GRB14: variants seen among roughly 807,000 people sequenced by gnomAD.
GRB14 encodes the protein growth factor receptor-bound protein 14.
Under a neutral mutation model 69.1 loss-of-function variants are expected in GRB14, and 38 were observed. The ratio of observed to expected loss-of-function variants is 0.55; its 90% CI spans 0.42 to 0.72. GRB14 has a LOEUF of 0.72. Ranked by LOEUF, GRB14 falls within the 30% of genes least tolerant of loss-of-function variation. The pLI, the probability that GRB14 is intolerant of heterozygous loss-of-function variation, is 0.00. For missense variants in GRB14, 666 were observed against 666.1 expected (o/e 1.00, Z 0.00); for synonymous variants, 247 against 241.3 (o/e 1.02, Z -0.22).
Position 164,550,046 on chromosome 2 carries a change from G to A in GRB14, c.325-2230C>T, listed in dbSNP as rs552248040. Among the ~76,000 whole-genome samples the A allele has an allele frequency of 7.2e-5, 11 of 152,166 alleles. No homozygotes were observed. In the East Asian group the frequency reaches 1.7e-3, roughly 24 times the overall value. ...GGAATAGAATCAGACTTTATGAAAAGATTTCTCCATCTCAGGTATGAATAT... is the reference window on the plus strand; with the variant it reads ...GGAATAGAATCAGACTTTATGAAAAAATTTCTCCATCTCAGGTATGAATAT... On this transcript the variant is annotated intron_variant, in intron 2 of 13. Coordinates refer to ENST00000263915, the MANE Select transcript of GRB14 (RefSeq NM_004490.3).
In GRB14 at chr2:164,621,404, C is replaced by G. The variant is rs1398059343; in HGVS notation, c.-95G>C. 2 of 1,063,910 alleles carry G rather than the reference C, an allele frequency of 1.9e-6. No homozygotes were observed. Among genetic ancestry groups the G allele is most frequent in the Non-Finnish European group, 2.4e-6 (2 of 836,620 alleles). 65.9% of individuals were successfully genotyped at this position (1,063,910 alleles called of 1,614,324 possible). A position where few individuals can be genotyped will look rare whatever the true frequency, so the allele number is the denominator to read the frequency against. ...GAGGCGAGGTGCCGGCTAGGCAGCC[C>G]GAGCGCTCTGCAGGTGTGGTGGCCT... On this transcript the variant is annotated 5_prime_UTR_variant, in exon 1 of 14. Transcript: ENST00000263915. The surrounding 1 kb of genome is among the most constrained non-coding windows in gnomAD (Gnocchi z 6.0).
intron 2 of GRB14, among the ~76,000 whole-genome samples, chr2:164,578,146 T>C (rs1689296892): frequency 6.6e-6 from 1 of 152,014 alleles, no homozygotes; most frequent in African/African-American, 2.4e-5. Flanking sequence ...GGCAGGGGAA[T>C]TGCTTGAACC....
At chr2:164,536,708 A>G (rs1688088054) in intron 3 of GRB14, among the ~76,000 whole-genome samples, 1 of 152,220 alleles carries the variant, frequency 6.6e-6, no homozygotes, top group Non-Finnish European at 1.5e-5. Flanking sequence ...AGCATGATCA[A>G]AAGCTGCATA....
intron 6 of GRB14, among the ~76,000 whole-genome samples, chr2:164,513,650 TTG>T (rs1393515937): frequency 6.6e-6 from 1 of 152,162 alleles, no homozygotes; most frequent in African/African-American, 2.4e-5. Context: ...AGTTTGCAGA[TTG>T]AATGTGTGTG....
chr2:164,556,032 T>C (rs956468652), intron 2 of GRB14, among the ~76,000 whole-genome samples: 2 of 152,162 alleles, frequency 1.3e-5, no homozygotes, highest in African/African-American at 4.8e-5. Flanking sequence ...TACATTCTTA[T>C]AAATAAGAAA....
intron 6 of GRB14, 76 bp from the exon 7 acceptor site, chr2:164,508,928 AC>A: frequency 2.2e-6 from 2 of 919,980 alleles, no homozygotes; most frequent in Non-Finnish European, 3.0e-6. Flanking sequence ...TATAATTTAT[AC>A]CTTGGGCAAA....
chr2:164,561,155 T>C (rs1688818029), intron 2 of GRB14, among the ~76,000 whole-genome samples: 1 of 152,080 alleles, frequency 6.6e-6, no homozygotes, highest in South Asian at 2.1e-4. Flanking sequence ...TGCAAAATCA[T>C]GATGCCCAGC....
intron 3 of GRB14, among the ~76,000 whole-genome samples, chr2:164,530,634 GA>G (rs1000751988): frequency 4.0e-5 from 6 of 150,204 alleles, no homozygotes; most frequent in Admixed American, 1.3e-4. Context: ...GGAGAAGCAA[GA>G]AAAAAAAACC....
At chr2:164,558,961 T>C (rs1369942328) in intron 2 of GRB14, among the ~76,000 whole-genome samples, 1 of 152,180 alleles carries the variant, frequency 6.6e-6, no homozygotes, top group Non-Finnish European at 1.5e-5. Flanking sequence ...ATTTCCTTGA[T>C]TTTTTAAAAG....
chr2:164,546,873 G>A (rs1047336895), intron 3 of GRB14, among the ~76,000 whole-genome samples: 1 of 152,136 alleles, frequency 6.6e-6, no homozygotes, highest in Non-Finnish European at 1.5e-5. Context: ...AGCACCACAC[G>A]ATAGGAGGTT....
intron 2 of GRB14, among the ~76,000 whole-genome samples, chr2:164,567,912 A>G (rs915604176): frequency 6.6e-5 from 10 of 152,204 alleles, no homozygotes; most frequent in African/African-American, 2.2e-4. Flanking sequence ...AGAGATTGAT[A>G]TATTATGAAT....
chr2:164,510,669 A>C (rs186794353), intron 6 of GRB14, among the ~76,000 whole-genome samples: 1 of 152,296 alleles, frequency 6.6e-6, no homozygotes, highest in African/African-American at 2.4e-5. Flanking sequence ...ACCAAAAAAA[A>C]GCACCTTTCT....
rs1356673272 is a variant in GRB14 at position 164,610,607 on chromosome 2, T to C, written c.324+9080A>G. ...AGAGTCTGTTAATCAAATTTAATTT[T>C]ATTCTAATTTAATGAAGATGACTGA... is the stretch of plus-strand genomic sequence containing the variant. On this transcript the variant is annotated intron_variant, in intron 2 of 13. Transcript: ENST00000263915. Among the ~76,000 whole-genome samples, 4 of 152,150 alleles carry C rather than the reference T, an allele frequency of 2.6e-5. No homozygotes were observed. The East Asian group carries it at 7.7e-4, about 29-fold the overall frequency.
chr2:164,591,368 A>G lies in GRB14; in HGVS notation c.324+28319T>C, dbSNP rs529009294. On this transcript the variant is annotated intron_variant, in intron 2 of 13. Coordinates refer to ENST00000263915, the MANE Select transcript of GRB14 (RefSeq NM_004490.3). ...TTGAAGGTCAAAAAGAAAAATTGCT[A>G]TTCTCTTTCTATCCCCCAACCAATA... 1.5e-4 allele frequency among the ~76,000 whole-genome samples: 23 copies of G among 152,276 alleles called. No individual in the cohort carries two copies. In the South Asian group the frequency reaches 4.3e-3, roughly 29 times the overall value.
Position 164,527,036 on chromosome 2 carries a change from TA to T in GRB14, c.580del (p.Tyr194MetfsTer36). On this transcript the variant is annotated frameshift_variant, in exon 4 of 14. Coordinates refer to ENST00000263915, the MANE Select transcript of GRB14 (RefSeq NM_004490.3). LOFTEE classifies it high-confidence loss of function. The part of the protein sequence containing the change: ...KLYFRKNYAK[Y>X]EFFKNPMYFF... Reference sequence around the variant, plus strand: ...TACCATTGGGTTTTTAAAGAACTCATATTTGGCATAATTTTTTCTAAAGTAT... The same window carrying T: ...TACCATTGGGTTTTTAAAGAACTCATTTTGGCATAATTTTTTCTAAAGTAT... 2.5e-6 allele frequency: 4 copies of T among 1,600,142 alleles called. No individual in the cohort carries two copies. The highest frequency in any genetic ancestry group is 3.4e-6 in the Non-Finnish European group (4 of 1,170,054).
At position 164,522,058 on chromosome 2, in the gene GRB14, C is replaced by G; in HGVS notation, c.738G>C (p.Gln246His). ...AAATTTTTTTCCAAGACTTCTTTCC[C>G]TGTTCTTTCGCATGTAAGAAACCAT... is the stretch of plus-strand genomic sequence containing the variant. ...EIHGFLHAKE[Q>H]GKKSWKKIYF... The change falls in exon 6 of 14, where the codon CAG becomes CAC. Residue 246 changes from glutamine (Q) to histidine (H), a missense_variant. By Grantham distance (24) the Gln-to-His change is conservative. Transcript: ENST00000263915. The G allele has an allele frequency of 6.2e-7, 1 of 1,603,506 alleles. No individual in the cohort carries two copies. Among genetic ancestry groups the G allele is most frequent in the East Asian group, 2.2e-5 (1 of 44,678 alleles).
intron 2 of GRB14, among the ~76,000 whole-genome samples, chr2:164,618,201 G>A (rs1053953431): frequency 1.3e-5 from 2 of 151,766 alleles, no homozygotes; most frequent in South Asian, 2.1e-4. Context: ...TTCAGACTTC[G>A]TGATCTGCCC....
rs149963467 is a variant in GRB14, at chr2:164,617,573, A to C, written c.324+2114T>G. Among the ~76,000 whole-genome samples, 156 of 152,200 alleles carry C rather than the reference A, an allele frequency of 1.0e-3. 1 individual carries two copies. The highest frequency in any genetic ancestry group is 1.8e-3 in the Non-Finnish European group (124 of 68,010). On this transcript the variant is annotated intron_variant, in intron 2 of 13. Transcript: ENST00000263915. The stretch of plus-strand genomic sequence containing the variant: ...ACCCATTCTTTCTCTTTTGTCCCCT[A>C]TACTAACATAAGCATACCAACACCT...
intron 6 of GRB14, among the ~76,000 whole-genome samples, chr2:164,516,320 A>C (rs964622822): frequency 2.0e-5 from 3 of 152,052 alleles, no homozygotes; most frequent in African/African-American, 7.2e-5. Context: ...AGGCATAAGC[A>C]TCAGGTAACC....
Sources: gnomAD v4.1 joint callset for allele counts (sites outside exome capture counted in the v4.1 genomes callset) on GRCh38, gnomAD v4.1.1 for gene constraint, Gnocchi (gnomAD v3.1) non-coding constraint, MANE v1.5 for transcripts, NCBI Gene and HGNC (gene_info 2026-07-23, HGNC 2026-07-21) for gene names.